Variants in RPL31 observed in about 807,000 individuals in gnomAD.
RPL31 encodes large ribosomal subunit protein eL31.
For synonymous variants in RPL31, 51 were observed against 55.0 expected (o/e 0.93, Z 0.32); for missense variants, 95 against 164.0 (o/e 0.58, Z 2.30).
At chr2:101,008,589 C>T (rs910011220), downstream of RPL31, among the ~76,000 whole-genome samples, 5 of 151,992 alleles carry the variant, frequency 3.3e-5, no homozygotes, top group Admixed American at 6.6e-5. Context: ...CCGAGGCAGG[C>T]GGATCACCTG....
At chr2:101,015,493 G>A (rs1486403410) in intron 4 of RPL31, among the ~76,000 whole-genome samples, 1 of 152,136 alleles carries the variant, frequency 6.6e-6, no homozygotes, top group Non-Finnish European at 1.5e-5. Flanking sequence ...TGACTCTTTT[G>A]TAATAACACT....
intron 1 of RPL31, 67 bp downstream of exon 1, chr2:101,002,382 C>G: frequency 2.7e-6 from 1 of 372,362 alleles, no homozygotes; most frequent in South Asian, 2.9e-5. Flanking sequence ...ATTGTGCTAA[C>G]TGGGACCGCA....
downstream of RPL31, among the ~76,000 whole-genome samples, chr2:101,008,805 TTG>T (rs1403268651): frequency 6.9e-6 from 1 of 144,902 alleles, no homozygotes; most frequent in East Asian, 2.0e-4. Flanking sequence ...GAGTAAAACT[TTG>T]TCTTAAAAAA....
At chr2:101,009,381 G>A (rs968041190), downstream of RPL31, among the ~76,000 whole-genome samples, 23 of 150,294 alleles carry the variant, frequency 1.5e-4, no homozygotes, top group Admixed American at 1.3e-3. Flanking sequence ...ACTCTAGCCT[G>A]GGCGACAGAG....
downstream of RPL31, chr2:101,007,683 C>A (rs1678830117): frequency 4.6e-6 from 4 of 870,664 alleles, no homozygotes; most frequent in Non-Finnish European, 7.1e-6. Flanking sequence ...TTCCCCTGGC[C>A]ACAGTTTGTC....
downstream of RPL31, among the ~76,000 whole-genome samples, chr2:101,010,592 A>G (rs376919778): frequency 7.2e-5 from 11 of 152,220 alleles, no homozygotes; most frequent in African/African-American, 2.6e-4. Context: ...CTGAAAAAAC[A>G]GTTAATTCTC....
chr2:101,017,753 C>T, intron 4 of RPL31: 2 of 1,282,694 alleles, frequency 1.6e-6, no homozygotes, highest in Non-Finnish European at 2.2e-6. Flanking sequence ...GGTCAAGTGA[C>T]AAAAAGGATA....
chr2:101,015,732 T>C (rs879982742), intron 4 of RPL31, among the ~76,000 whole-genome samples: 14 of 152,056 alleles, frequency 9.2e-5, no homozygotes, highest in Admixed American at 2.6e-4. Context: ...GAGATATAGA[T>C]CAATGGAACA....
chr2:101,005,380 CT>C (rs1349618856), intron 3 of RPL31: 1 of 155,080 alleles, frequency 6.4e-6, no homozygotes, highest in African/African-American at 2.4e-5. Flanking sequence ...GTAGTCTCAG[CT>C]CACTGCAACC....
intron 4 of RPL31, chr2:101,017,732 AG>A: frequency 9.9e-7 from 1 of 1,005,126 alleles, no homozygotes; most frequent in Non-Finnish European, 1.5e-6. Context: ...ACTTTATCAC[AG>A]GCAAGATAGG....
chr2:101,019,421 A>G (rs1012932769), exon 5 of RPL31: 1 of 159,976 alleles, frequency 6.3e-6, no homozygotes, highest in African/African-American at 2.4e-5. Context: ...TTTAAATGAA[A>G]AAAACTTAGA....
At chr2:101,017,129 G>C (rs1296416350) in intron 4 of RPL31, among the ~76,000 whole-genome samples, 1 of 151,420 alleles carries the variant, frequency 6.6e-6, no homozygotes, top group African/African-American at 2.4e-5. Context: ...CACAGGGTCA[G>C]GATCGTCAAT....
At chr2:101,008,335 T>TAAAC, downstream of RPL31, 2 of 1,265,044 alleles carry the variant, frequency 1.6e-6, no homozygotes, top group Non-Finnish European at 2.1e-6. Context: ...TTTTTTTTTT[T>TAAAC]AAACATACCT....
At chr2:101,005,672 A>G (rs1678701519) in intron 3 of RPL31, 1 of 373,552 alleles carries the variant, frequency 2.7e-6, no homozygotes, top group African/African-American at 2.1e-5. Flanking sequence ...CAAAAGACTA[A>G]CACATTTGGA....
chr2:101,013,840 C>G (rs1222283636), intron 4 of RPL31, among the ~76,000 whole-genome samples: 1 of 152,212 alleles, frequency 6.6e-6, no homozygotes, highest in Non-Finnish European at 1.5e-5. Context: ...CAGTAATCAT[C>G]AAAATAATCC....
chr2:101,002,728 G>A lies in RPL31; in HGVS notation c.27G>A (p.Glu9=). 1 of 1,614,120 alleles carries A rather than the reference G, an allele frequency of 6.2e-7. No homozygotes were observed. The highest frequency in any genetic ancestry group is 8.5e-7 in the Non-Finnish European group (1 of 1,179,968). MAPAKKGG[E]KKKGRSAINE... is the part of the protein sequence containing the mutation. ...TGGCTCCCGCAAAGAAGGGTGGCGA[G>A]AAGAAAAAGGGCCGTTCTGCCATCA... The change falls in exon 2 of 5, where the codon GAG becomes GAA. Residue 9 remains glutamate (E), a synonymous_variant. Transcript: ENST00000264258.
At chr2:101,011,357 A>G, downstream of RPL31, 1 of 1,230,162 alleles carries the variant, frequency 8.1e-7, no homozygotes, top group Non-Finnish European at 1.2e-6. Context: ...GGAAAAGACA[A>G]GGCTGCTACA....
At chr2:101,005,757 C>T (rs978919193) in intron 3 of RPL31, 23 of 578,210 alleles carry the variant, frequency 4.0e-5, no homozygotes, top group Non-Finnish European at 6.6e-5. Flanking sequence ...TGTCTTCAAA[C>T]AAGCATCCCT....
intron 3 of RPL31, chr2:101,005,693 C>G (rs1295466737): frequency 2.3e-6 from 1 of 443,012 alleles, no homozygotes; most frequent in East Asian, 4.3e-5. Flanking sequence ...CCATTTGGAC[C>G]CAGATATCTG....
Sources: gnomAD v4.1 joint callset for allele counts (sites outside exome capture counted in the v4.1 genomes callset) on GRCh38, gnomAD v4.1.1 for gene constraint, MANE v1.5 for transcripts, NCBI Gene and HGNC (gene_info 2026-07-23, HGNC 2026-07-21) for gene names.